Variants in PLPP3 observed in about 807,000 individuals in gnomAD.
The protein encoded by PLPP3 is PAP2 beta.
Under a neutral mutation model 29.6 loss-of-function variants are expected in PLPP3, and 6 were observed. That is an observed-to-expected ratio of 0.20 (90% CI 0.11 to 0.40). PLPP3 has a LOEUF of 0.40. Among genes scored for constraint, PLPP3 ranks in the 10% least tolerant of loss-of-function variants. PLPP3 has a pLI of 1.00. For missense variants in PLPP3, 308 were observed against 407.7 expected (o/e 0.76, Z 2.11); for synonymous variants, 152 against 159.7 (o/e 0.95, Z 0.36).
intron 1 of PLPP3, among the ~76,000 whole-genome samples, chr1:56,553,953 T>C (rs1378579627): frequency 6.6e-6 from 1 of 152,102 alleles, no homozygotes; most frequent in African/African-American, 2.4e-5. Context: ...GTGCCTTCTG[T>C]AAGAAGGAAA....
At chr1:56,559,558 T>A (rs1646107269) in intron 1 of PLPP3, among the ~76,000 whole-genome samples, 1 of 149,512 alleles carries the variant, frequency 6.7e-6, no homozygotes. Flanking sequence ...AGCCTTGAAT[T>A]TTTTTTTTTT....
rs1190433047 is a variant in PLPP3, at chr1:56,495,732, G to A, written c.*819C>T. On this transcript the variant is annotated 3_prime_UTR_variant, in exon 6 of 6. Coordinates refer to ENST00000371250, the MANE Select transcript of PLPP3 (RefSeq NM_003713.5). Reference sequence around the variant, plus strand: ...GGCACGCAGCAAGGATTTCAAGGGAGAAGGCAGTAACCGAAGTCGAACTGT... The same window carrying A: ...GGCACGCAGCAAGGATTTCAAGGGAAAAGGCAGTAACCGAAGTCGAACTGT... 18 of 152,678 alleles carry A rather than the reference G, an allele frequency of 1.2e-4. No homozygotes were observed. The highest frequency in any genetic ancestry group is 1.2e-3 in the Admixed American group (18 of 15,286). 9.5% of individuals were successfully genotyped at this position (152,678 alleles called of 1,614,324 possible). A position where few individuals can be genotyped will look rare whatever the true frequency, so the allele number is the denominator to read the frequency against.
chr1:56,500,269 G>A (rs1645658237), intron 5 of PLPP3, among the ~76,000 whole-genome samples: 1 of 152,144 alleles, frequency 6.6e-6, no homozygotes, highest in African/African-American at 2.4e-5. Context: ...AGACAGCCAG[G>A]TAAACAGATG....
At chr1:56,558,596 A>G (rs923523661) in intron 1 of PLPP3, among the ~76,000 whole-genome samples, 1 of 152,242 alleles carries the variant, frequency 6.6e-6, no homozygotes, top group Non-Finnish European at 1.5e-5. Flanking sequence ...ATTCATGTCA[A>G]AGAGCCCACT....
In PLPP3 at chr1:56,495,767, T is replaced by C. The variant is rs2100212749; in HGVS notation, c.*784A>G. On this transcript the variant is annotated 3_prime_UTR_variant, in exon 6 of 6. Coordinates refer to ENST00000371250, the MANE Select transcript of PLPP3 (RefSeq NM_003713.5). ...ACCGAAGTCGAACTGTTTCTAAGAG[T>C]ATGCAAGTGCCCGGTGATTGACGTG... The C allele has an allele frequency of 6.6e-6, 1 of 152,566 alleles. No homozygotes were observed. The highest frequency in any genetic ancestry group is 1.9e-4 in the East Asian group (1 of 5,168). The allele number at this position is 152,566 out of a possible 1,614,324, so 9.5% of individuals were successfully genotyped here.
chr1:56,550,955 C>G (rs533418918), intron 1 of PLPP3, among the ~76,000 whole-genome samples: 3 of 152,084 alleles, frequency 2.0e-5, no homozygotes, highest in Admixed American at 2.0e-4. Flanking sequence ...GAGAGCAAGG[C>G]CCCCGGAATT....
intron 4 of PLPP3, among the ~76,000 whole-genome samples, chr1:56,522,817 G>A (rs1210866307): frequency 6.6e-6 from 1 of 152,076 alleles, no homozygotes; most frequent in Non-Finnish European, 1.5e-5. Context: ...GCACCTTCTC[G>A]CTCTGAATTC....
At chr1:56,510,820 T>C (rs1427496405) in intron 5 of PLPP3, among the ~76,000 whole-genome samples, 1 of 152,136 alleles carries the variant, frequency 6.6e-6, no homozygotes, top group African/African-American at 2.4e-5. Context: ...GAGTAACATA[T>C]ATATTACACA....
chr1:56,505,925 T>C (rs1377060419), intron 5 of PLPP3, among the ~76,000 whole-genome samples: 1 of 152,230 alleles, frequency 6.6e-6, no homozygotes, highest in Non-Finnish European at 1.5e-5. Context: ...TGTCGTTATC[T>C]ATTGGCGGCC....
intron 1 of PLPP3, among the ~76,000 whole-genome samples, chr1:56,557,023 A>AAG (rs1557513614): frequency 2.7e-3 from 28 of 10,550 alleles, no homozygotes; most frequent in Non-Finnish European, 4.2e-3. Flanking sequence ...AGAGAGAGAG[A>AAG]GAAAGAGAGA....
At chr1:56,569,248 C>CTT (rs1475064951) in intron 1 of PLPP3, among the ~76,000 whole-genome samples, 3 of 152,148 alleles carry the variant, frequency 2.0e-5, no homozygotes, top group Non-Finnish European at 4.4e-5. Context: ...TCTCAGCTCA[C>CTT]TGCAACCTCT....
chr1:56,566,749 T>C (rs1360499140), intron 1 of PLPP3, among the ~76,000 whole-genome samples: 3 of 152,210 alleles, frequency 2.0e-5, no homozygotes, highest in Non-Finnish European at 4.4e-5. Flanking sequence ...ATATTTGAGG[T>C]TTAATTTTCA....
At chr1:56,532,782 T>C (rs535918068) in intron 2 of PLPP3, among the ~76,000 whole-genome samples, 87 of 152,188 alleles carry the variant, frequency 5.7e-4, no homozygotes, top group Non-Finnish European at 1.0e-3. Context: ...AAGGTCTATG[T>C]CTCACACTAG....
chr1:56,536,956 G>T lies in PLPP3; in HGVS notation c.296C>A (p.Ala99Glu). Reference protein sequence around the residue: ...CAVGIVIAILAIITGEFYRIY... With the variant: ...CAVGIVIAILEIITGEFYRIY... The stretch of plus-strand genomic sequence containing the variant: ...CCATAGCAGAGTCTGGACACTTACC[G>T]CGAGGATGGCAATGACGATCCCCAC... The change falls in exon 2 of 6, where the codon GCG (alanine) becomes GAG (glutamate). Residue 99 changes from alanine to glutamate, a missense_variant and splice_region_variant. Around this residue, in one of 3 missense-constraint regions of PLPP3, gnomAD observed 232 missense variants for 317.2 expected, o/e 0.73. Transcript: ENST00000371250. 1 of 1,613,504 alleles carries T rather than the reference G, an allele frequency of 6.2e-7. No homozygotes were observed. The highest frequency in any genetic ancestry group is 8.5e-7 in the Non-Finnish European group (1 of 1,179,686).
intron 1 of PLPP3, among the ~76,000 whole-genome samples, chr1:56,545,685 C>T (rs1029234796): frequency 2.6e-5 from 4 of 152,226 alleles, no homozygotes; most frequent in Admixed American, 2.0e-4. Flanking sequence ...GAGAAAAATA[C>T]ATTTATTTTT....
At chr1:56,568,176 C>G (rs1171671086) in intron 1 of PLPP3, among the ~76,000 whole-genome samples, 1 of 151,876 alleles carries the variant, frequency 6.6e-6, no homozygotes, top group Non-Finnish European at 1.5e-5. Flanking sequence ...TAGTGGGTAT[C>G]GTTTCTTTTT....
chr1:56,544,477 A>G (rs61772623), intron 1 of PLPP3, among the ~76,000 whole-genome samples: 14,217 of 152,258 alleles, frequency 0.093, 875 homozygotes, highest in Middle Eastern at 0.13. Flanking sequence ...TCCTCTTTAA[A>G]TAAGGGAGAG....
At chr1:56,578,794 G>GCGCGGCGCGGCGCGA (rs1354988961) in intron 1 of PLPP3, 84 bp downstream of exon 1, 1 of 1,289,554 alleles carries the variant, frequency 7.8e-7, no homozygotes, top group African/African-American at 1.7e-5. Context: ...GCGCGGCGCG[G>GCGCGGCGCGGCGCGA]CGCTGCGCGG....
At chr1:56,567,542 T>C (rs1646169738) in intron 1 of PLPP3, among the ~76,000 whole-genome samples, 2 of 151,728 alleles carry the variant, frequency 1.3e-5, no homozygotes, top group African/African-American at 2.4e-5. Flanking sequence ...GGACTACAGG[T>C]ACCCGCCACC....
Sources: allele counts gnomAD v4.1 joint callset (sites outside exome capture counted in the v4.1 genomes callset), GRCh38; gene constraint gnomAD v4.1.1; regional missense constraint gnomAD v4.1.1; transcripts MANE v1.5; gene names NCBI Gene and HGNC (gene_info 2026-07-23, HGNC 2026-07-21).